Variants in FAM184A observed in about 807,000 individuals in gnomAD.
The protein encoded by FAM184A is family with sequence similarity 184 member A.
A neutral mutation model predicts 143.8 loss-of-function variants in FAM184A; 99 were observed. The ratio of observed to expected loss-of-function variants is 0.69; its 90% CI spans 0.58 to 0.81. The LOEUF (loss-of-function observed/expected upper bound fraction) is 0.81, where lower values mean the gene tolerates loss of function less well. Ranked by LOEUF, FAM184A falls within the 40% of genes least tolerant of loss-of-function variation. FAM184A has a pLI of 0.00. For synonymous variants in FAM184A, 427 were observed against 446.4 expected, an observed-to-expected ratio of 0.96 and a Z score of 0.55; for missense variants, 1,217 against 1,310.5, an observed-to-expected ratio of 0.93 and a Z score of 1.10.
chr6:119,023,903 C>A (rs2114690224), intron 2 of FAM184A, 56 bp downstream of exon 2: 2 of 1,455,744 alleles, frequency 1.4e-6, no homozygotes, highest in Non-Finnish European at 9.1e-7. Flanking sequence ...GCCTACAAAA[C>A]AAATATTTTT....
intron 1 of FAM184A, among the ~76,000 whole-genome samples, chr6:119,055,273 C>A (rs1376918236): frequency 6.6e-6 from 1 of 151,952 alleles, no homozygotes; most frequent in Non-Finnish European, 1.5e-5. Flanking sequence ...ATGGATATAC[C>A]ATATTTTATT....
At chr6:119,035,021 C>A (rs1786056653) in intron 1 of FAM184A, among the ~76,000 whole-genome samples, 1 of 152,162 alleles carries the variant, frequency 6.6e-6, no homozygotes, top group Non-Finnish European at 1.5e-5. Flanking sequence ...ACCACATGTC[C>A]TTTCTTTTCC....
chr6:118,974,998 T>G (rs1783804485), intron 13 of FAM184A, 26 bp downstream of exon 13: 3 of 1,570,342 alleles, frequency 1.9e-6, no homozygotes, highest in Non-Finnish European at 2.6e-6. Context: ...CACTGCATAT[T>G]CCTTCTGTTG....
At chr6:119,024,840 A>T (rs770469820) in intron 1 of FAM184A, 27 bp from the exon 2 acceptor site, 2 of 1,531,706 alleles carry the variant, frequency 1.3e-6, no homozygotes, top group Admixed American at 4.3e-5. Flanking sequence ...AAGAAGGGAG[A>T]AGGATTGTGA....
At chr6:119,040,203 T>C (rs1353489820) in intron 1 of FAM184A, among the ~76,000 whole-genome samples, 2 of 152,220 alleles carry the variant, frequency 1.3e-5, no homozygotes, top group Non-Finnish European at 2.9e-5. Flanking sequence ...AGTTGAATTC[T>C]TTCTTCTGAG....
intron 1 of FAM184A, among the ~76,000 whole-genome samples, chr6:119,124,815 A>C (rs1789313421): frequency 6.6e-6 from 1 of 152,142 alleles, no homozygotes. Flanking sequence ...GTATATTCCA[A>C]GTAGATACAA....
intron 1 of FAM184A, 142 bp downstream of exon 1, chr6:119,077,999 G>T: frequency 1.0e-6 from 1 of 958,710 alleles, no homozygotes; most frequent in Non-Finnish European, 1.5e-6. Flanking sequence ...GCAGGGTTTT[G>T]GAGGTGTCTC....
chr6:119,006,361 G>T, intron 7 of FAM184A, 86 bp downstream of exon 7: 2 of 1,216,766 alleles, frequency 1.6e-6, no homozygotes, highest in Non-Finnish European at 2.4e-6. Context: ...TATATACAAT[G>T]TGCTGTTTAA....
upstream of FAM184A, among the ~76,000 whole-genome samples, chr6:119,082,097 G>A (rs1235729539): frequency 1.3e-5 from 2 of 152,182 alleles, no homozygotes; most frequent in East Asian, 3.9e-4. Context: ...GCTCACCTAG[G>A]TCCATGGGCA....
chr6:119,025,033 C>CT (rs1785581826), intron 1 of FAM184A, among the ~76,000 whole-genome samples: 1 of 152,106 alleles, frequency 6.6e-6, no homozygotes, highest in Non-Finnish European at 1.5e-5. Flanking sequence ...TATTTAAAGA[C>CT]TTTTTAGTTA....
At chr6:119,034,041 T>TAGAGAGAGAGAGAGAG (rs57162948) in intron 1 of FAM184A, among the ~76,000 whole-genome samples, 1 of 42,008 alleles carries the variant, frequency 2.4e-5, no homozygotes, top group African/African-American at 1.1e-4. Flanking sequence ...TATATATATA[T>TAGAGAGAGAGAGAGAG]AGAGAGAGAG....
chr6:119,119,322 C>A (rs140246934), intron 1 of FAM184A, among the ~76,000 whole-genome samples: 1,658 of 152,296 alleles, frequency 0.011, 19 homozygotes, highest in South Asian at 0.042. Flanking sequence ...CCTATTCGTA[C>A]GCTCCCTCCT....
intron 1 of FAM184A, among the ~76,000 whole-genome samples, chr6:119,040,706 C>T (rs1454779912): frequency 6.6e-6 from 1 of 152,144 alleles, no homozygotes; most frequent in African/African-American, 2.4e-5. Context: ...CATAACTCAC[C>T]AAGTGCTTTT....
rs1583771603 is a variant in FAM184A at position 118,974,940 on chromosome 6, A to G, written c.2768+84T>C. 7 of 1,142,878 alleles carry G rather than the reference A, an allele frequency of 6.1e-6. No individual in the cohort carries two copies. The East Asian group carries it at 1.7e-4, about 27-fold the overall frequency. 70.8% of individuals were successfully genotyped at this position (1,142,878 alleles called of 1,614,324 possible). On this transcript the variant is annotated intron_variant, in intron 13 of 17. Transcript: ENST00000338891. The stretch of plus-strand genomic sequence containing the variant: ...TTTACTAGAGAGCCAGTCTAGTCAC[A>G]AAATTAGCATAGATTACTAAATATC...
In FAM184A at chr6:119,000,864, G is replaced by A. The variant is rs537849020; in HGVS notation, c.2088+2035C>T. Among the ~76,000 whole-genome samples, 29 of 151,876 alleles carry A rather than the reference G, an allele frequency of 1.9e-4. No homozygotes were observed. In the South Asian group the frequency reaches 6.0e-3, roughly 32 times the overall value. The stretch of plus-strand genomic sequence containing the variant: ...GTGCTGAATGCTGCTGGCCTTGCGG[G>A]GCTAAAGGAAATGAGTGAGACCAGT... On this transcript the variant is annotated intron_variant, in intron 9 of 17. Coordinates refer to ENST00000338891, the MANE Select transcript of FAM184A (RefSeq NM_024581.6).
At chr6:118,967,387 AGG>A (rs1783532739) in intron 14 of FAM184A, among the ~76,000 whole-genome samples, 1 of 152,252 alleles carries the variant, frequency 6.6e-6, no homozygotes, top group African/African-American at 2.4e-5. Context: ...ACATATAAAA[AGG>A]ACAAGAAACA....
Position 119,012,607 on chromosome 6 carries a change from C to T in FAM184A, c.1531-1176G>A, listed in dbSNP as rs116539165. On this transcript the variant is annotated intron_variant, in intron 5 of 17. Coordinates refer to ENST00000338891, the MANE Select transcript of FAM184A (RefSeq NM_024581.6). ...GGAAAGCTCATGAGAGACTTAGTAC[C>T]CAGGTTTTTTATCGGCAACTGATCA... 3.9e-3 allele frequency among the ~76,000 whole-genome samples: 590 copies of T among 152,286 alleles called. 7 individuals carry two copies. Among genetic ancestry groups the T allele is most frequent in the African/African-American group, 0.013 (544 of 41,556 alleles).
intron 11 of FAM184A, among the ~76,000 whole-genome samples, chr6:118,976,435 G>A (rs1438558710): frequency 6.6e-6 from 1 of 151,940 alleles, no homozygotes; most frequent in Non-Finnish European, 1.5e-5. Context: ...GGCCGAGGTG[G>A]GTGGATCACC....
chr6:119,071,860 C>CTTTTTT (rs35786966), intron 1 of FAM184A, among the ~76,000 whole-genome samples: 8 of 94,164 alleles, frequency 8.5e-5, no homozygotes, highest in Admixed American at 1.4e-4. Context: ...AACCTTTAAT[C>CTTTTTT]TTTTTTTTTT....
Sources: allele counts gnomAD v4.1 joint callset (sites outside exome capture counted in the v4.1 genomes callset), GRCh38; gene constraint gnomAD v4.1.1; transcripts MANE v1.5; gene names NCBI Gene and HGNC (gene_info 2026-07-23, HGNC 2026-07-21).